Variants in C11orf97 observed in about 807,000 individuals in gnomAD.
C11orf97 encodes chromosome 11 open reading frame 97, also known as uncharacterized protein C11orf97.
Under a neutral mutation model 16.2 loss-of-function variants are expected in C11orf97, and 15 were observed. The observed-to-expected ratio is 0.93, with a 90% CI of 0.62 to 1.43. The LOEUF (loss-of-function observed/expected upper bound fraction) is 1.43. Among genes scored for constraint, C11orf97 ranks in the 40% most tolerant of loss-of-function variants. The pLI, the probability that C11orf97 is intolerant of heterozygous loss-of-function variation, is 0.00. For missense variants in C11orf97, 171 were observed against 161.2 expected (o/e 1.06, Z -0.33); for synonymous variants, 61 against 65.7 (o/e 0.93, Z 0.34).
At chr11:94,523,052 A>C (rs1205266227) in intron 2 of C11orf97, among the ~76,000 whole-genome samples, 1 of 152,126 alleles carries the variant, frequency 6.6e-6, no homozygotes, top group Admixed American at 6.5e-5. Flanking sequence ...ATGTATGTTC[A>C]CGTGCCCGCT....
chr11:94,527,454 G>A (rs1432045309), intron 2 of C11orf97, among the ~76,000 whole-genome samples: 1 of 152,164 alleles, frequency 6.6e-6, no homozygotes, highest in Non-Finnish European at 1.5e-5. Flanking sequence ...AGGATATGGA[G>A]GATAACCAAG....
In C11orf97 at chr11:94,517,539, G is replaced by A. The variant is rs1338841543; in HGVS notation, c.146-44G>A. On this transcript the variant is annotated intron_variant, in intron 1 of 3. Transcript: ENST00000542198. ...GTAGATATAATGGCTAGAAGATTGG[G>A]CAGTATTTATACTAAGTAATTGATT... is the stretch of plus-strand genomic sequence containing the variant. 6.0e-6 allele frequency: 7 copies of A among 1,158,570 alleles called. No individual in the cohort carries two copies. In the Admixed American group the frequency reaches 1.9e-4, roughly 31 times the overall value. 71.8% of individuals were successfully genotyped at this position (1,158,570 alleles called of 1,614,324 possible). A position where few individuals can be genotyped will look rare whatever the true frequency, so the allele number is the denominator to read the frequency against.
chr11:94,526,286 C>T (rs1037194766), intron 2 of C11orf97, among the ~76,000 whole-genome samples: 5 of 152,200 alleles, frequency 3.3e-5, no homozygotes, highest in Non-Finnish European at 5.9e-5. Flanking sequence ...AACATCACTT[C>T]ACATGTATGG....
intron 2 of C11orf97, among the ~76,000 whole-genome samples, chr11:94,519,571 G>C (rs1160284327): frequency 1.3e-5 from 2 of 152,164 alleles, no homozygotes; most frequent in Non-Finnish European, 2.9e-5. Context: ...TGAGTGAATA[G>C]GATGTATCTT....
chr11:94,523,384 T>A (rs1947674870), intron 2 of C11orf97, among the ~76,000 whole-genome samples: 1 of 152,360 alleles, frequency 6.6e-6, no homozygotes, highest in African/African-American at 2.4e-5. Context: ...CAACTCCACA[T>A]ACTCTGACAA....
Position 94,512,654 on chromosome 11 carries a change from C to G in C11orf97, c.126C>G (p.Pro42=), listed in dbSNP as rs1424129336. Reference sequence around the variant, plus strand: ...CGCGCGGGGAACCCGGCCGCGGCCCCCTAGAGCACGGCCAGCAGTGTGAGT... The same window carrying G: ...CGCGCGGGGAACCCGGCCGCGGCCCGCTAGAGCACGGCCAGCAGTGTGAGT... ...CGARGEPGRG[P]LEHGQQWKKF... is the part of the protein sequence containing the mutation. The change falls in exon 1 of 4, where the codon CCC becomes CCG. Residue 42 remains proline, a synonymous_variant. Coordinates refer to ENST00000542198, the MANE Select transcript of C11orf97 (RefSeq NM_001190462.2). The G allele has an allele frequency of 4.8e-6, 6 of 1,246,754 alleles. No homozygotes were observed. The highest frequency in any genetic ancestry group is 6.6e-5 in the South Asian group (2 of 30,444). 77.2% of individuals were successfully genotyped at this position (1,246,754 alleles called of 1,614,324 possible).
intron 1 of C11orf97, among the ~76,000 whole-genome samples, chr11:94,516,549 A>G (rs1162216791): frequency 6.6e-6 from 1 of 152,208 alleles, no homozygotes; most frequent in Non-Finnish European, 1.5e-5. Context: ...CTGAAGAGAC[A>G]ACATCCCTGC....
chr11:94,514,883 A>G (rs1334821867), intron 1 of C11orf97, among the ~76,000 whole-genome samples: 1 of 151,790 alleles, frequency 6.6e-6, no homozygotes, highest in Non-Finnish European at 1.5e-5. Flanking sequence ...GACCTCAAGT[A>G]ATCTGCCCAC....
rs1947714483 is a variant in C11orf97 at position 94,528,319 on chromosome 11, C to CT, written c.376+113dup. 10 of 1,035,176 alleles carry CT rather than the reference C, an allele frequency of 9.7e-6. No individual in the cohort carries two copies. The East Asian group carries it at 2.9e-4, about 30-fold the overall frequency. 64.1% of individuals were successfully genotyped at this position (1,035,176 alleles called of 1,614,324 possible). On this transcript the variant is annotated intron_variant, in intron 3 of 3. Coordinates refer to ENST00000542198, the MANE Select transcript of C11orf97 (RefSeq NM_001190462.2). ...AGATCTCAATCAAAACTCAACCTTC[C>CT]TTTGACTTGTTTCTCTTGGGTTGCT...
At chr11:94,523,132 G>T (rs1947672582) in intron 2 of C11orf97, among the ~76,000 whole-genome samples, 1 of 152,136 alleles carries the variant, frequency 6.6e-6, no homozygotes, top group African/African-American at 2.4e-5. Context: ...ATCAAAAGTA[G>T]TAAAAAAGAG....
chr11:94,513,375 G>A (rs1381122533), intron 1 of C11orf97, among the ~76,000 whole-genome samples: 1 of 152,236 alleles, frequency 6.6e-6, no homozygotes. Flanking sequence ...ACTGTTTCAT[G>A]AATTAACAGA....
intron 2 of C11orf97, among the ~76,000 whole-genome samples, chr11:94,521,093 CTTCA>C (rs767466342): frequency 2.6e-5 from 4 of 152,360 alleles, no homozygotes; most frequent in Admixed American, 6.5e-5. Context: ...CTTCCTCTCT[CTTCA>C]TTCAGGCTTC....
At chr11:94,515,283 A>T (rs1230172606) in intron 1 of C11orf97, among the ~76,000 whole-genome samples, 1 of 152,054 alleles carries the variant, frequency 6.6e-6, no homozygotes, top group Non-Finnish European at 1.5e-5. Flanking sequence ...TGCAATTGTT[A>T]TTAGCTCTCA....
At chr11:94,530,539 C>T (rs577535154) in intron 3 of C11orf97, among the ~76,000 whole-genome samples, 1 of 152,344 alleles carries the variant, frequency 6.6e-6, no homozygotes, top group Admixed American at 6.5e-5. Flanking sequence ...CTATCACAAA[C>T]TCCATGGAGG....
intron 2 of C11orf97, among the ~76,000 whole-genome samples, chr11:94,526,043 C>T (rs1451270671): frequency 6.6e-6 from 1 of 152,186 alleles, no homozygotes; most frequent in African/African-American, 2.4e-5. Flanking sequence ...CTTCTAGCTT[C>T]TCCCCTTGTG....
intron 2 of C11orf97, among the ~76,000 whole-genome samples, chr11:94,525,822 T>C (rs187126453): frequency 1.3e-5 from 2 of 152,336 alleles, no homozygotes; most frequent in East Asian, 3.9e-4. Flanking sequence ...TAAAATATTT[T>C]TAAGGTGTGA....
intron 2 of C11orf97, among the ~76,000 whole-genome samples, chr11:94,520,198 T>C (rs1462412937): frequency 1.3e-5 from 2 of 152,202 alleles, no homozygotes; most frequent in African/African-American, 4.8e-5. Flanking sequence ...TTTTTGAAGG[T>C]CAAATCCAAT....
intron 2 of C11orf97, among the ~76,000 whole-genome samples, chr11:94,521,894 G>T (rs1473734853): frequency 6.6e-6 from 1 of 152,144 alleles, no homozygotes; most frequent in African/African-American, 2.4e-5. Context: ...TCTGCCTCTA[G>T]GTGGCTTGAG....
chr11:94,527,674 T>G (rs1362737124), intron 2 of C11orf97, among the ~76,000 whole-genome samples: 1 of 152,234 alleles, frequency 6.6e-6, no homozygotes, highest in East Asian at 1.9e-4. Flanking sequence ...AATTAACTAT[T>G]GGATGAATTA....
Sources: gnomAD v4.1 joint callset for allele counts (sites outside exome capture counted in the v4.1 genomes callset) on GRCh38, gnomAD v4.1.1 for gene constraint, MANE v1.5 for transcripts, NCBI Gene and HGNC (gene_info 2026-07-23, HGNC 2026-07-21) for gene names.